Variants in ANKS1B observed in about 807,000 individuals in gnomAD.
ANKS1B encodes the protein ankyrin repeat and sterile alpha motif domain-containing protein 1B.
A neutral mutation model predicts 148.3 loss-of-function variants in ANKS1B; 36 were observed. The ratio of observed to expected loss-of-function variants is 0.24; its 90% CI spans 0.19 to 0.32. The LOEUF (loss-of-function observed/expected upper bound fraction) is 0.32. ANKS1B is among the 10% of genes least tolerant of loss of function. The pLI is 1.00. For missense variants in ANKS1B, 1,157 were observed against 1,542.6 expected (o/e 0.75, Z 4.19); for synonymous variants, 542 against 560.8 (o/e 0.97, Z 0.47).
chr12:98,773,008 G>A (rs1389222708), intron 25 of ANKS1B, 34 bp downstream of exon 25: 1 of 1,613,118 alleles, frequency 6.2e-7, no homozygotes. Flanking sequence ...ATTCTGCAAA[G>A]TCTTTAATCT....
intron 17 of ANKS1B, among the ~76,000 whole-genome samples, chr12:98,913,634 T>G (rs560546657): frequency 1.7e-4 from 26 of 152,294 alleles, no homozygotes; most frequent in Admixed American, 4.6e-4. Flanking sequence ...TCATATTTTT[T>G]TTGTTGTTGT....
intron 12 of ANKS1B, among the ~76,000 whole-genome samples, chr12:99,334,484 T>G (rs2088342050): frequency 6.6e-6 from 1 of 152,052 alleles, no homozygotes. Context: ...CACCCACTCT[T>G]GAGTGGAACA....
At chr12:99,283,113 C>G (rs1191314558) in intron 12 of ANKS1B, among the ~76,000 whole-genome samples, 1 of 152,088 alleles carries the variant, frequency 6.6e-6, no homozygotes, top group Non-Finnish European at 1.5e-5. Flanking sequence ...TGAGACCTCT[C>G]CAGGTTTCAG....
At chr12:99,541,160 T>A (rs1168246763) in intron 9 of ANKS1B, among the ~76,000 whole-genome samples, 1 of 152,164 alleles carries the variant, frequency 6.6e-6, no homozygotes, top group Non-Finnish European at 1.5e-5. Flanking sequence ...CAGGCTCAGA[T>A]GGCTTCAAAG....
In ANKS1B at chr12:99,531,582, A is replaced by G. The variant is rs2096991407; in HGVS notation, c.1273-26941T>C. Among the ~76,000 whole-genome samples, 3 of 152,188 alleles carry G rather than the reference A, an allele frequency of 2.0e-5. No homozygotes were observed. In the South Asian group the frequency reaches 6.2e-4, roughly 31 times the overall value. ...CTGAGTAGCATTCCATGGTATATAT[A>G]CCACATTTTCTTTATCCGGTCATCA... On this transcript the variant is annotated intron_variant, in intron 9 of 26. Transcript: ENST00000683438.
chr12:99,083,955 A>G (rs1055231665), intron 16 of ANKS1B: 1 of 152,140 alleles, frequency 6.6e-6, no homozygotes, highest in Admixed American at 6.5e-5. Flanking sequence ...CATATCTGAA[A>G]GATTCATGCT....
intron 14 of ANKS1B, among the ~76,000 whole-genome samples, chr12:99,224,865 T>C (rs956494579): frequency 6.6e-6 from 1 of 152,184 alleles, no homozygotes; most frequent in African/African-American, 2.4e-5. Flanking sequence ...CTTTCTCATA[T>C]GGTGAGTGGC....
intron 17 of ANKS1B, among the ~76,000 whole-genome samples, chr12:98,991,438 TA>T (rs2099926531): frequency 6.6e-6 from 1 of 152,180 alleles, no homozygotes; most frequent in Non-Finnish European, 1.5e-5. Flanking sequence ...GTAAAATATT[TA>T]AATGTTAAAT....
rs545236842 is a variant in ANKS1B at position 99,598,691 on chromosome 12, G to A, written c.1272+56376C>T. 3.3e-5 allele frequency among the ~76,000 whole-genome samples: 5 copies of A among 152,188 alleles called. No homozygotes were observed. The South Asian group carries it at 1.0e-3, about 32-fold the overall frequency. On this transcript the variant is annotated intron_variant, in intron 9 of 26. Transcript: ENST00000683438. ...CAGAGTGTGCTCTGAAAATTAACAA[G>A]AATTTTCCAGACAGAGAAACAGAGG...
chr12:99,511,559 A>C, intron 9 of ANKS1B, among the ~76,000 whole-genome samples: 1 of 152,062 alleles, frequency 6.6e-6, no homozygotes, highest in East Asian at 1.9e-4. Context: ...TTAGAAAAAA[A>C]CTAATTTAAA....
chr12:98,853,130 G>C (rs2099540627), intron 17 of ANKS1B, among the ~76,000 whole-genome samples: 1 of 152,206 alleles, frequency 6.6e-6, no homozygotes. Flanking sequence ...CTATGGTTCA[G>C]GGAGCAGGTT....
chr12:99,958,500 A>C (rs1233695319), intron 1 of ANKS1B, among the ~76,000 whole-genome samples: 1 of 152,076 alleles, frequency 6.6e-6, no homozygotes, highest in Non-Finnish European at 1.5e-5. Flanking sequence ...CTCCCACCTC[A>C]GCCCCCCAAG....
intron 9 of ANKS1B, among the ~76,000 whole-genome samples, chr12:99,573,773 T>A (rs1311727220): frequency 6.6e-6 from 1 of 152,032 alleles, no homozygotes; most frequent in Non-Finnish European, 1.5e-5. Context: ...TCTACTTGTA[T>A]CAGGATGTAT....
At chr12:98,992,685 T>C (rs1434355063) in intron 17 of ANKS1B, among the ~76,000 whole-genome samples, 1 of 152,212 alleles carries the variant, frequency 6.6e-6, no homozygotes, top group Admixed American at 6.5e-5. Context: ...AGTGTGAGAA[T>C]GGACTACTAC....
chr12:98,739,173 G>T (rs1190811376), downstream of ANKS1B, among the ~76,000 whole-genome samples: 1 of 152,152 alleles, frequency 6.6e-6, no homozygotes. Context: ...GACACTCCCT[G>T]TACCTTCTCA....
chr12:99,095,541 A>T (rs962262297), intron 15 of ANKS1B, among the ~76,000 whole-genome samples: 5 of 152,184 alleles, frequency 3.3e-5, no homozygotes, highest in Admixed American at 1.3e-4. Flanking sequence ...GCAGGCAAGG[A>T]TAGGCCATGG....
chr12:99,067,575 A>T (rs188248579), intron 16 of ANKS1B, among the ~76,000 whole-genome samples: 1 of 152,316 alleles, frequency 6.6e-6, no homozygotes, highest in East Asian at 1.9e-4. Flanking sequence ...CAGATGTCTC[A>T]TGGTCAGCGG....
At chr12:99,443,837 A>C (rs2152798249) in intron 10 of ANKS1B, 28 bp from the exon 11 acceptor site, 1 of 1,588,648 alleles carries the variant, frequency 6.3e-7, no homozygotes, top group South Asian at 1.1e-5. Context: ...ACTGCCATGA[A>C]CCTAATCACT....
chr12:98,960,300 A>AGT (rs892204445), intron 17 of ANKS1B, among the ~76,000 whole-genome samples: 6 of 152,078 alleles, frequency 3.9e-5, no homozygotes, highest in Non-Finnish European at 8.8e-5. Context: ...AGAGAGAGAG[A>AGT]TGCCATTTGT....
Sources: allele counts gnomAD v4.1 joint callset (sites outside exome capture counted in the v4.1 genomes callset), GRCh38; gene constraint gnomAD v4.1.1; transcripts MANE v1.5; gene names NCBI Gene and HGNC (gene_info 2026-07-23, HGNC 2026-07-21).